MTG1: variants seen among roughly 807,000 people sequenced by gnomAD.
MTG1 encodes mitochondrial ribosome associated GTPase 1.
Under a neutral mutation model 39.5 loss-of-function variants are expected in MTG1, and 30 were observed. The observed-to-expected ratio is 0.76, with a 90% CI of 0.57 to 1.03. MTG1 has a LOEUF of 1.03. MTG1 is among the 50% of genes least tolerant of loss of function. MTG1 has a pLI of 0.00. For missense variants in MTG1, 513 were observed against 447.4 expected (o/e 1.15, Z -1.32); for synonymous variants, 217 against 179.0 (o/e 1.21, Z -1.69).
chr10:133,396,488 C>T lies in MTG1; in HGVS notation c.282+221C>T, dbSNP rs112335843. On this transcript the variant is annotated intron_variant, in intron 3 of 10. Transcript: ENST00000317502. ...GTGACCTGGACACCCAGGGAGTGCA[C>T]GTCTCCTGTGGGAAGTGGCCAGGTT... Among the ~76,000 whole-genome samples, 1,348 of 152,324 alleles carry T rather than the reference C, an allele frequency of 8.8e-3. 19 individuals carry two copies. The highest frequency in any genetic ancestry group is 0.028 in the African/African-American group (1,170 of 41,560).
At chr10:133,404,705 A>G (rs1849944279) in intron 9 of MTG1, among the ~76,000 whole-genome samples, 1 of 151,768 alleles carries the variant, frequency 6.6e-6, no homozygotes, top group South Asian at 2.1e-4. Flanking sequence ...ATCCTTTCTG[A>G]TTTTTTGGTA....
intron 1 of MTG1, chr10:133,394,823 C>A: frequency 1.2e-6 from 1 of 862,864 alleles, no homozygotes; most frequent in Non-Finnish European, 1.4e-6. Context: ...CAATTCGGCC[C>A]CAAGAAGACC....
chr10:133,409,256 A>G (rs1234305777), intron 9 of MTG1, among the ~76,000 whole-genome samples: 3 of 152,104 alleles, frequency 2.0e-5, no homozygotes, highest in African/African-American at 7.2e-5. Flanking sequence ...CGTTTGTTTG[A>G]AGAAATTTAA....
chr10:133,397,779 G>GTTTTTTT (rs35859911), intron 3 of MTG1, among the ~76,000 whole-genome samples: 23 of 139,496 alleles, frequency 1.6e-4, no homozygotes, highest in African/African-American at 5.7e-4. Context: ...CGTCCAGCCT[G>GTTTTTTT]TTTTTTTTTT....
Position 133,415,845 on chromosome 10 carries a change from C to T in MTG1, c.753-3635C>T, listed in dbSNP as rs973030247. On this transcript the variant is annotated intron_variant, in intron 9 of 10. Coordinates refer to ENST00000317502, the MANE Select transcript of MTG1 (RefSeq NM_138384.4). ...CTCAGGCATGCAGGTATCAGGCACG[C>T]GGGTATCAGGCAGGTGGGTATCAGG... Among the ~76,000 whole-genome samples the T allele has an allele frequency of 7.9e-5, 12 of 151,944 alleles. No homozygotes were observed. The South Asian group carries it at 8.3e-4, about 11-fold the overall frequency.
At chr10:133,397,534 A>C (rs1849801356) in intron 3 of MTG1, among the ~76,000 whole-genome samples, 1 of 149,242 alleles carries the variant, frequency 6.7e-6, no homozygotes, top group Non-Finnish European at 1.5e-5. Flanking sequence ...GCTGGAGTGC[A>C]GTGGCGCAAT....
At chr10:133,394,398 C>G (rs558444474) in intron 1 of MTG1, 66 bp downstream of exon 1, 6 of 1,362,996 alleles carry the variant, frequency 4.4e-6, no homozygotes, top group Non-Finnish European at 4.8e-6. Flanking sequence ...CCCTCCCACC[C>G]CGGTTTCGGC....
At chr10:133,404,488 A>ACTTT (rs60342667) in intron 9 of MTG1, among the ~76,000 whole-genome samples, 142,280 of 152,034 alleles carry the variant, frequency 0.94, 67,188 homozygotes, top group East Asian at 1. Context: ...GTTTGTAAAT[A>ACTTT]CTTTAAGTCT....
Position 133,421,348 on chromosome 10 carries a change from C to T in MTG1, c.*1183C>T, listed in dbSNP as rs1018843270. ...AAGTGTCCATCATAACTGGAACATTCCATCAGCTTGCAGTGCTGTGGTGTG... is the reference window on the plus strand; with the variant it reads ...AAGTGTCCATCATAACTGGAACATTTCATCAGCTTGCAGTGCTGTGGTGTG... On this transcript the variant is annotated 3_prime_UTR_variant, in exon 11 of 11. Coordinates refer to ENST00000317502, the MANE Select transcript of MTG1 (RefSeq NM_138384.4). 1.3e-5 allele frequency: 2 copies of T among 153,428 alleles called. No homozygotes were observed. The highest frequency in any genetic ancestry group is 4.8e-5 in the African/African-American group (2 of 41,578). The allele number at this position is 153,428 out of a possible 1,614,324, so 9.5% of individuals were successfully genotyped here.
Position 133,402,439 on chromosome 10 carries a change from C to T in MTG1, c.670+194C>T. 2 of 718,636 alleles carry T rather than the reference C, an allele frequency of 2.8e-6. No individual in the cohort carries two copies. The highest frequency in any genetic ancestry group is 4.9e-5 in the Admixed American group (2 of 40,680). The allele number at this position is 718,636 out of a possible 1,614,324, so 44.5% of individuals were successfully genotyped here. A position where few individuals can be genotyped will look rare whatever the true frequency, so the allele number is the denominator to read the frequency against. On this transcript the variant is annotated intron_variant, in intron 8 of 10. Transcript: ENST00000317502. The surrounding 1 kb of genome is among the most constrained non-coding windows in gnomAD (Gnocchi z 4.7). ...CTGACAGGCACTGGTCACCATTCCA[C>T]CCTGCCCCATGAGTGGCCTTCCCTT...
At chr10:133,407,651 C>G (rs1849987491) in intron 9 of MTG1, among the ~76,000 whole-genome samples, 1 of 151,884 alleles carries the variant, frequency 6.6e-6, no homozygotes, top group Non-Finnish European at 1.5e-5. Context: ...TCACCGCAAC[C>G]TCCGCTTCCT....
At chr10:133,415,553 G>GGTT (rs1300846405) in intron 9 of MTG1, among the ~76,000 whole-genome samples, 2 of 152,200 alleles carry the variant, frequency 1.3e-5, no homozygotes, top group Non-Finnish European at 2.9e-5. Flanking sequence ...GCTTGAGAGG[G>GGTT]GTTGGTCTCC....
chr10:133,420,210 C>T lies in MTG1; in HGVS notation c.*45C>T, dbSNP rs117675699. 157 of 1,561,010 alleles carry T rather than the reference C, an allele frequency of 1.0e-4. 1 individual carries two copies. The East Asian group carries it at 3.2e-3, about 31-fold the overall frequency. On this transcript the variant is annotated 3_prime_UTR_variant, in exon 11 of 11. Transcript: ENST00000317502. ...GCCGGAGGCATGTGGCCTCCCAGAC[C>T]TCCTGACCTGGGTGGTTGAGGCTCA...
intron 10 of MTG1, 43 bp from the exon 11 acceptor site, chr10:133,419,983 T>C: frequency 6.4e-7 from 1 of 1,573,496 alleles, no homozygotes; most frequent in Non-Finnish European, 8.6e-7. Flanking sequence ...GGGCCTGTCC[T>C]GCTGTGAAGG....
chr10:133,413,377 G>A (rs1850073304), intron 9 of MTG1, among the ~76,000 whole-genome samples: 1 of 152,108 alleles, frequency 6.6e-6, no homozygotes, highest in Non-Finnish European at 1.5e-5. Context: ...GCCTCCCAAA[G>A]TGCTGGGATT....
intron 3 of MTG1, among the ~76,000 whole-genome samples, chr10:133,396,619 C>T (rs1849787003): frequency 6.6e-6 from 1 of 152,112 alleles, no homozygotes; most frequent in Non-Finnish European, 1.5e-5. Context: ...TGTAATAAAA[C>T]ATATGAAATA....
chr10:133,396,621 T>C (rs1156886217), intron 3 of MTG1, among the ~76,000 whole-genome samples: 5 of 152,186 alleles, frequency 3.3e-5, no homozygotes, highest in Admixed American at 1.3e-4. Context: ...TAATAAAACA[T>C]ATGAAATAAG....
At chr10:133,398,948 C>G (rs1849827886) in intron 4 of MTG1, among the ~76,000 whole-genome samples, 1 of 152,110 alleles carries the variant, frequency 6.6e-6, no homozygotes, top group Non-Finnish European at 1.5e-5. Context: ...CTCCAGTTTC[C>G]CAACACCGGA....
intron 9 of MTG1, among the ~76,000 whole-genome samples, chr10:133,404,596 A>G (rs1849942746): frequency 6.6e-6 from 1 of 152,086 alleles, no homozygotes; most frequent in South Asian, 2.1e-4. Flanking sequence ...TTTCCAGAGT[A>G]CTCTTGTTGT....
Sources: allele counts gnomAD v4.1 joint callset (sites outside exome capture counted in the v4.1 genomes callset), GRCh38; gene constraint gnomAD v4.1.1; non-coding constraint Gnocchi (gnomAD v3.1); transcripts MANE v1.5; gene names NCBI Gene and HGNC (gene_info 2026-07-23, HGNC 2026-07-21).